Variants in FBXL17 observed in about 807,000 individuals in gnomAD.
FBXL17 encodes the protein F-box/LRR-repeat protein 17.
FBXL17 carries 22 observed loss-of-function variants against 66.2 expected under a neutral mutation model. The ratio of observed to expected loss-of-function variants is 0.33; its 90% confidence interval spans 0.24 to 0.47. The LOEUF (loss-of-function observed/expected upper bound fraction) is 0.47. Among genes scored for constraint, FBXL17 ranks in the 20% least tolerant of loss-of-function variants. The pLI is 1.00. For missense variants in FBXL17, 878 were observed against 948.2 expected (o/e 0.93, Z 0.97); for synonymous variants, 474 against 400.5 (o/e 1.18, Z -2.19).
chr5:107,910,895 G>A (rs556690212), intron 7 of FBXL17, among the ~76,000 whole-genome samples: 16 of 152,114 alleles, frequency 1.1e-4, no homozygotes, highest in African/African-American at 3.9e-4. Context: ...GGACATTAAG[G>A]AAGACCTGAA....
chr5:108,302,361 C>T (rs910845138), intron 4 of FBXL17, among the ~76,000 whole-genome samples: 2 of 151,790 alleles, frequency 1.3e-5, no homozygotes, highest in East Asian at 1.9e-4. Context: ...AAACAAAATC[C>T]CAAAATAAAA....
At chr5:108,288,240 C>T (rs776019139) in intron 4 of FBXL17, among the ~76,000 whole-genome samples, 2 of 151,158 alleles carry the variant, frequency 1.3e-5, no homozygotes, top group African/African-American at 4.9e-5. Flanking sequence ...TATAACAAAC[C>T]GCACATGTAC....
chr5:108,124,653 T>C (rs1206688837), intron 6 of FBXL17, among the ~76,000 whole-genome samples: 1 of 152,080 alleles, frequency 6.6e-6, no homozygotes, highest in South Asian at 2.1e-4. Flanking sequence ...ACCTGTACAT[T>C]GAAAATATTT....
chr5:107,947,628 C>T (rs1267105584), intron 7 of FBXL17, among the ~76,000 whole-genome samples: 1 of 152,124 alleles, frequency 6.6e-6, no homozygotes, highest in Non-Finnish European at 1.5e-5. Context: ...CTACTTCTTC[C>T]TTAACTTGTA....
chr5:108,096,552 CAA>C (rs773381028), intron 6 of FBXL17, among the ~76,000 whole-genome samples: 3 of 152,272 alleles, frequency 2.0e-5, no homozygotes, highest in South Asian at 4.2e-4. Flanking sequence ...AGAATATAGT[CAA>C]GCTTTCTTGC....
chr5:108,330,537 T>C (rs1202505456), intron 4 of FBXL17, among the ~76,000 whole-genome samples: 1 of 152,142 alleles, frequency 6.6e-6, no homozygotes, highest in Non-Finnish European at 1.5e-5. Context: ...CTCACCAAGA[T>C]ATATTTTAAA....
intron 6 of FBXL17, among the ~76,000 whole-genome samples, chr5:108,120,807 T>A (rs1750460764): frequency 1.3e-5 from 2 of 152,102 alleles, no homozygotes; most frequent in African/African-American, 4.8e-5. Context: ...ACTCTGTCTC[T>A]AAATAAATAC....
chr5:108,155,334 G>A (rs1489594685), intron 6 of FBXL17, among the ~76,000 whole-genome samples: 2 of 152,012 alleles, frequency 1.3e-5, no homozygotes, highest in African/African-American at 2.4e-5. Flanking sequence ...GAGCAACATG[G>A]TGAAACTCCA....
At chr5:108,062,759 T>A (rs936629776) in intron 6 of FBXL17, among the ~76,000 whole-genome samples, 3 of 152,284 alleles carry the variant, frequency 2.0e-5, no homozygotes, top group African/African-American at 7.2e-5. Context: ...TTTCGACATA[T>A]AATCCATAAA....
chr5:108,308,049 GT>G (rs1210527369), intron 4 of FBXL17, among the ~76,000 whole-genome samples: 3 of 151,948 alleles, frequency 2.0e-5, no homozygotes, highest in South Asian at 4.1e-4. Context: ...CAGGTTCTTG[GT>G]TCTGTTTGTT....
chr5:108,243,636 G>A (rs1755962543), intron 4 of FBXL17, among the ~76,000 whole-genome samples: 1 of 152,080 alleles, frequency 6.6e-6, no homozygotes, highest in African/African-American at 2.4e-5. Context: ...TGAAAGTAAA[G>A]AAACCTTCTT....
intron 4 of FBXL17, among the ~76,000 whole-genome samples, chr5:108,328,922 T>C (rs763994895): frequency 2.0e-5 from 3 of 152,110 alleles, no homozygotes; most frequent in Non-Finnish European, 4.4e-5. Flanking sequence ...ATAATGTTAT[T>C]CTTATGCCAT....
At chr5:108,165,256 T>C (rs1219442851) in intron 6 of FBXL17, among the ~76,000 whole-genome samples, 1 of 152,322 alleles carries the variant, frequency 6.6e-6, no homozygotes, top group South Asian at 2.1e-4. Context: ...AGGCACCAAT[T>C]GCAAAATATT....
chr5:108,098,325 C>T (rs1241287210), intron 6 of FBXL17, among the ~76,000 whole-genome samples: 1 of 152,084 alleles, frequency 6.6e-6, no homozygotes, highest in Non-Finnish European at 1.5e-5. Flanking sequence ...CATGATCATG[C>T]CACTGTACTC....
rs536524056 is a variant in FBXL17, at chr5:108,043,260, G to A, written c.1746-22259C>T. 9.9e-5 allele frequency among the ~76,000 whole-genome samples: 15 copies of A among 152,110 alleles called. No homozygotes were observed. The East Asian group carries it at 2.9e-3, about 29-fold the overall frequency. On this transcript the variant is annotated intron_variant, in intron 6 of 8. Transcript: ENST00000542267. ...TCCAGTTTGTCAATTTTCCTTTTAT[G>A]GATCATGTTTTTGGTGTCAAGTCTA...
intron 3 of FBXL17, among the ~76,000 whole-genome samples, chr5:108,350,387 T>C (rs1747567886): frequency 6.6e-6 from 1 of 152,188 alleles, no homozygotes; most frequent in South Asian, 2.1e-4. Flanking sequence ...AGCACAATGC[T>C]GAAAATATGG....
chr5:108,154,577 T>C (rs1266325035), intron 6 of FBXL17, among the ~76,000 whole-genome samples: 1 of 89,098 alleles, frequency 1.1e-5, no homozygotes, highest in Non-Finnish European at 2.1e-5. Flanking sequence ...GCAACAAGAA[T>C]GAAACTCAGT....
chr5:108,317,028 T>TA (rs1456135113), intron 4 of FBXL17, among the ~76,000 whole-genome samples: 1 of 151,326 alleles, frequency 6.6e-6, no homozygotes, highest in Admixed American at 6.6e-5. Flanking sequence ...TCTATTCATG[T>TA]AAAAACTGTA....
chr5:108,097,873 T>C (rs185969533), intron 6 of FBXL17, among the ~76,000 whole-genome samples: 46 of 152,278 alleles, frequency 3.0e-4, no homozygotes, highest in Middle Eastern at 3.4e-3. Context: ...CATAATTCTC[T>C]GAATAACATT....
Sources: allele counts gnomAD v4.1 joint callset (sites outside exome capture counted in the v4.1 genomes callset), GRCh38; gene constraint gnomAD v4.1.1; transcripts MANE v1.5; gene names NCBI Gene and HGNC (gene_info 2026-07-23, HGNC 2026-07-21).